Variants in RIMS2 observed in about 807,000 individuals in gnomAD.
The protein encoded by RIMS2 is regulating synaptic membrane exocytosis 2.
In RIMS2, 59 loss-of-function variants were observed where a neutral mutation model predicts 174.4. The observed-to-expected ratio is 0.34, with a 90% CI of 0.27 to 0.42. The LOEUF is 0.42. RIMS2 is among the 10% of genes least tolerant of loss of function. The probability of loss-of-function intolerance (pLI) is 1.00; values close to 1 mark genes in which losing one functional copy is unlikely to be tolerated. For missense variants in RIMS2, 1,620 were observed against 1,666.3 expected (o/e 0.97, Z 0.48); for synonymous variants, 606 against 572.5 (o/e 1.06, Z -0.84).
intron 19 of RIMS2, among the ~76,000 whole-genome samples, chr8:104,059,097 T>G (rs1244126602): frequency 6.6e-6 from 1 of 151,422 alleles, no homozygotes; most frequent in African/African-American, 2.4e-5. Context: ...TTTTTCCAAT[T>G]CTGTGAAGAA....
At chr8:103,808,849 G>A (rs946126577) in intron 3 of RIMS2, among the ~76,000 whole-genome samples, 18 of 152,084 alleles carry the variant, frequency 1.2e-4, no homozygotes, top group Admixed American at 1.2e-3. Flanking sequence ...CTTTCTAAAT[G>A]ATCTCTCTGC....
chr8:103,667,485 G>A (rs2096685832), intron 1 of RIMS2, among the ~76,000 whole-genome samples: 1 of 152,202 alleles, frequency 6.6e-6, no homozygotes, highest in African/African-American at 2.4e-5. Flanking sequence ...AGGTTAAGAG[G>A]AGTGGACCAC....
At chr8:103,532,361 C>G (rs1837581170) in intron 1 of RIMS2, among the ~76,000 whole-genome samples, 1 of 152,170 alleles carries the variant, frequency 6.6e-6, no homozygotes, top group African/African-American at 2.4e-5. Flanking sequence ...TGGGCAAAAT[C>G]TGATCAACTT....
chr8:103,567,737 C>T (rs2092478476), intron 1 of RIMS2, among the ~76,000 whole-genome samples: 1 of 152,134 alleles, frequency 6.6e-6, no homozygotes, highest in South Asian at 2.1e-4. Flanking sequence ...AAAAAACTGC[C>T]AGACTTTTCC....
At chr8:103,956,732 A>C (rs1251396998) in intron 14 of RIMS2, among the ~76,000 whole-genome samples, 3 of 152,238 alleles carry the variant, frequency 2.0e-5, no homozygotes, top group Non-Finnish European at 4.4e-5. Context: ...AATGGCAACA[A>C]AAGCCAAAAT....
chr8:103,676,401 T>G (rs564493151), intron 1 of RIMS2, among the ~76,000 whole-genome samples: 1 of 152,282 alleles, frequency 6.6e-6, no homozygotes, highest in East Asian at 1.9e-4. Flanking sequence ...GGATTTAGCA[T>G]GTATAGCTCT....
chr8:104,068,223 A>G (rs917702967), intron 19 of RIMS2, among the ~76,000 whole-genome samples: 7 of 152,214 alleles, frequency 4.6e-5, no homozygotes, highest in Admixed American at 4.6e-4. Flanking sequence ...TTCTGGACAT[A>G]CACATACCAG....
At chr8:103,707,614 C>G (rs1276500745) in intron 2 of RIMS2, among the ~76,000 whole-genome samples, 1 of 152,166 alleles carries the variant, frequency 6.6e-6, no homozygotes. Flanking sequence ...TGAAAGGGGT[C>G]CCTCTCAGCA....
intron 19 of RIMS2, among the ~76,000 whole-genome samples, chr8:104,162,625 C>A (rs1268268699): frequency 1.3e-5 from 2 of 151,886 alleles, no homozygotes; most frequent in African/African-American, 4.8e-5. Flanking sequence ...GGAGATCTTT[C>A]TTTTCAAAAT....
chr8:103,715,246 G>T (rs899403589), intron 2 of RIMS2, among the ~76,000 whole-genome samples: 8 of 152,122 alleles, frequency 5.3e-5, no homozygotes, highest in Non-Finnish European at 1.0e-4. Flanking sequence ...GTGGTTTGCT[G>T]CACCTATCAG....
chr8:104,132,287 G>T (rs1311773771), intron 19 of RIMS2, among the ~76,000 whole-genome samples: 1 of 152,018 alleles, frequency 6.6e-6, no homozygotes, highest in Non-Finnish European at 1.5e-5. Context: ...TTCAGAATTT[G>T]TCTTCTGTAA....
chr8:103,789,139 G>T (rs2098472537), intron 3 of RIMS2, among the ~76,000 whole-genome samples: 1 of 152,134 alleles, frequency 6.6e-6, no homozygotes, highest in South Asian at 2.1e-4. Context: ...CTCGTGCACG[G>T]TGCGCGCACC....
intron 2 of RIMS2, among the ~76,000 whole-genome samples, chr8:103,722,613 A>G (rs905056585): frequency 3.3e-5 from 5 of 152,184 alleles, no homozygotes; most frequent in African/African-American, 9.6e-5. Context: ...GGGAGCTGCT[A>G]TAAATATAGA....
intron 6 of RIMS2, 95 bp downstream of exon 9, chr8:103,912,267 G>T (rs1485627887): frequency 5.9e-6 from 5 of 853,294 alleles, no homozygotes; most frequent in Non-Finnish European, 8.8e-6. Context: ...CAATTTAGTA[G>T]TGTATTTTTC....
intron 19 of RIMS2, among the ~76,000 whole-genome samples, chr8:104,159,460 G>A (rs892171300): frequency 2.0e-5 from 3 of 152,112 alleles, no homozygotes; most frequent in Admixed American, 1.3e-4. Flanking sequence ...GATGGGGATA[G>A]CATTGAACCT....
intron 15 of RIMS2, among the ~76,000 whole-genome samples, chr8:103,966,924 C>G (rs1410077908): frequency 6.6e-6 from 1 of 151,646 alleles, no homozygotes; most frequent in Non-Finnish European, 1.5e-5. Flanking sequence ...TCTGTTACTG[C>G]TTTCTAATTT....
chr8:104,123,436 G>A (rs1210395517), intron 19 of RIMS2, among the ~76,000 whole-genome samples: 1 of 151,882 alleles, frequency 6.6e-6, no homozygotes, highest in African/African-American at 2.4e-5. Context: ...CTTTAAGTAT[G>A]AAATTTTACA....
intron 1 of RIMS2, among the ~76,000 whole-genome samples, chr8:103,536,660 C>T (rs897127448): frequency 2.0e-5 from 3 of 152,056 alleles, no homozygotes; most frequent in Non-Finnish European, 2.9e-5. Context: ...GGGGGAGGTG[C>T]TATACGCTTT....
chr8:104,022,633 G>A (rs564698992), intron 19 of RIMS2, among the ~76,000 whole-genome samples: 100 of 152,038 alleles, frequency 6.6e-4, no homozygotes, highest in African/African-American at 2.1e-3. Context: ...CTCCCGCCTC[G>A]TCTCGGCCTC....
Sources: gnomAD v4.1 joint callset for allele counts (sites outside exome capture counted in the v4.1 genomes callset) on GRCh38, gnomAD v4.1.1 for gene constraint, MANE v1.5 for transcripts, NCBI Gene and HGNC (gene_info 2026-07-23, HGNC 2026-07-21) for gene names.